Variants in FAM200A observed in about 807,000 individuals in gnomAD.
FAM200A encodes protein FAM200A.
In FAM200A, 26 loss-of-function variants were observed where a neutral mutation model predicts 44.2. The observed-to-expected ratio is 0.59, with a 90% CI of 0.43 to 0.82. The LOEUF (loss-of-function observed/expected upper bound fraction) is 0.82. Among genes scored for constraint, FAM200A ranks in the 40% least tolerant of loss-of-function variants. The pLI is 0.00. For synonymous variants in FAM200A, 206 were observed against 244.4 expected, an observed-to-expected ratio of 0.84 and a Z score of 1.47; for missense variants, 606 against 669.5, an observed-to-expected ratio of 0.91 and a Z score of 1.05.
chr7:99,547,448 A>T lies in FAM200A; in HGVS notation c.960T>A (p.Ile320=). The T allele has an allele frequency of 6.4e-7, 1 of 1,551,426 alleles. No individual in the cohort carries two copies. Among genetic ancestry groups the T allele is most frequent in the Non-Finnish European group, 8.7e-7 (1 of 1,146,918 alleles). ...ATTGCTTTTCAACGAGAAAAATGTA[A>T]ATCTCGTTCCTGAGTTCATATACTC... ...LSRVYELRNE[I]YIFLVEKQSH... is the part of the protein sequence containing the mutation. Residue 320 remains isoleucine (I), a synonymous_variant, in exon 2 of 2, where the codon ATT becomes ATA. Coordinates refer to ENST00000449309, the MANE Select transcript of FAM200A (RefSeq NM_145111.4).
chr7:99,547,322 C>G lies in FAM200A; in HGVS notation c.1086G>C (p.Gln362His), dbSNP rs183963526. 29 of 1,550,206 alleles carry G rather than the reference C, an allele frequency of 1.9e-5. No individual in the cohort carries two copies. In the African/African-American group the frequency reaches 3.1e-4, roughly 17 times the overall value. Residue 362 changes from glutamine to histidine, a missense_variant, in exon 2 of 2, where the codon CAG becomes CAC. Gln to His is a conservative substitution (Grantham distance 24). Coordinates refer to ENST00000449309, the MANE Select transcript of FAM200A (RefSeq NM_145111.4). ...ACTGAAATATATCATTGTTTTTCCC[C>G]TGCATTTTCAGGCTTAATTCATTAA... The part of the protein sequence containing the change: ...GILNELSLKM[Q>H]GKNNDIFQYL...
Position 99,548,396 on chromosome 7 carries a change from T to C in FAM200A, c.12A>G (p.Glu4=), listed in dbSNP as rs1465097958. The C allele has an allele frequency of 6.2e-7, 1 of 1,612,918 alleles. No individual in the cohort carries two copies. The highest frequency in any genetic ancestry group is 2.2e-5 in the East Asian group (1 of 44,872). MTP[E]SRDTTDLSPG... Reference sequence around the variant, plus strand: ...GAGACAAATCTGTAGTATCCCTTGATTCAGGAGTCATTATTCAGGTTCCAG... The same window carrying C: ...GAGACAAATCTGTAGTATCCCTTGACTCAGGAGTCATTATTCAGGTTCCAG... The change falls in exon 2 of 2, where the codon GAA becomes GAG. Residue 4 remains glutamate (E), a synonymous_variant. Transcript: ENST00000449309.
Position 99,551,852 on chromosome 7 carries a change from A to G in FAM200A, c.-100+2T>C. On this transcript the variant is annotated splice_donor_variant, in intron 1 of 1. Coordinates refer to ENST00000449309, the MANE Select transcript of FAM200A (RefSeq NM_145111.4). LOFTEE classifies it low-confidence loss of function (5UTR_SPLICE). ...GAAACCAAAACTTCGTTCCCTTCCC[A>G]CCTGTATCCAGGGACACCTCTGCTG... is the stretch of plus-strand genomic sequence containing the variant. The G allele has an allele frequency of 1.0e-6, 1 of 985,406 alleles. No homozygotes were observed. The highest frequency in any genetic ancestry group is 1.2e-6 in the Non-Finnish European group (1 of 829,980). The allele number at this position is 985,406 out of a possible 1,614,324, so 61.0% of individuals were successfully genotyped here.
chr7:99,553,087 ATATATATATATATTTTTT>A (rs1369277223), upstream of FAM200A, among the ~76,000 whole-genome samples: 1 of 100,460 alleles, frequency 1.0e-5, no homozygotes, highest in Non-Finnish European at 1.8e-5. Context: ...ATATATATAT[ATATATATATATATTTTTT>A]TTTTTTTTTT....
chr7:99,556,365 C>T (rs539569850), upstream of FAM200A, among the ~76,000 whole-genome samples: 4 of 152,186 alleles, frequency 2.6e-5, no homozygotes, highest in African/African-American at 9.6e-5. Flanking sequence ...GGGGACCTGC[C>T]GAGTCTGCAC....
At chr7:99,548,736 G>C (rs1413858028) in intron 1 of FAM200A, among the ~76,000 whole-genome samples, 3 of 151,846 alleles carry the variant, frequency 2.0e-5, no homozygotes, top group Non-Finnish European at 4.4e-5. Flanking sequence ...TTATATTACA[G>C]ATGAAAAATA....
At chr7:99,553,288 CTG>C (rs1802608390), upstream of FAM200A, among the ~76,000 whole-genome samples, 1 of 151,504 alleles carries the variant, frequency 6.6e-6, no homozygotes, top group Non-Finnish European at 1.5e-5. Flanking sequence ...TTGCTACACA[CTG>C]TATTTTTCTT....
upstream of FAM200A, among the ~76,000 whole-genome samples, chr7:99,553,100 T>TATATATATATATATA (rs1491325197): frequency 1.0e-4 from 6 of 57,190 alleles, no homozygotes; most frequent in South Asian, 6.4e-4. Context: ...TATATATATA[T>TATATATATATATATA]TTTTTTTTTT....
chr7:99,555,284 C>G (rs1232662259), upstream of FAM200A, among the ~76,000 whole-genome samples: 2 of 152,064 alleles, frequency 1.3e-5, no homozygotes, highest in Admixed American at 1.3e-4. Flanking sequence ...TCTTACGATG[C>G]CAAGGAATGC....
In FAM200A at chr7:99,548,090, T is replaced by C; in HGVS notation, c.318A>G (p.Arg106=). The C allele has an allele frequency of 6.4e-7, 1 of 1,551,680 alleles. No homozygotes were observed. Among genetic ancestry groups the C allele is most frequent in the Non-Finnish European group, 8.7e-7 (1 of 1,146,992 alleles). Residue 106 remains arginine (R), a synonymous_variant, in exon 2 of 2, where the codon AGA becomes AGG. Transcript: ENST00000449309. The part of the protein sequence containing the change: ...IFDDKSADKL[R]TIPLSDNTIS... ...TTGTATTATCACTAAGAGGTATAGT[T>C]CTTAGTTTATCAGCTGATTTGTCAT...
chr7:99,551,433 A>G (rs1802527294), intron 1 of FAM200A, among the ~76,000 whole-genome samples: 1 of 152,126 alleles, frequency 6.6e-6, no homozygotes, highest in African/African-American at 2.4e-5. Context: ...CCTGGCCTCA[A>G]ACGATTCGCC....
At position 99,552,086 on chromosome 7, in the gene FAM200A, T is replaced by C. The variant is rs575021186; in HGVS notation, c.-332A>G. ...GCACTAGACTCACATCCAAGCCCCC[T>C]GGCCTTCAGAGCCCAGGGAAAGCGT... On this transcript the variant is annotated 5_prime_UTR_variant, in exon 1 of 2. Coordinates refer to ENST00000449309, the MANE Select transcript of FAM200A (RefSeq NM_145111.4). The C allele has an allele frequency of 1.3e-4, 129 of 985,380 alleles. No homozygotes were observed. The highest frequency in any genetic ancestry group is 1.5e-4 in the Non-Finnish European group (122 of 829,964). 61.0% of individuals were successfully genotyped at this position (985,380 alleles called of 1,614,324 possible).
chr7:99,554,493 A>G (rs1163777456), upstream of FAM200A, among the ~76,000 whole-genome samples: 9 of 151,522 alleles, frequency 5.9e-5, no homozygotes, highest in African/African-American at 1.7e-4. Flanking sequence ...AAAAAAAAAA[A>G]AAAAAAAGAA....
intron 1 of FAM200A, among the ~76,000 whole-genome samples, chr7:99,551,223 ACTCT>A (rs1300039666): frequency 2.0e-5 from 3 of 150,470 alleles, no homozygotes; most frequent in Non-Finnish European, 3.0e-5. Flanking sequence ...ACAGAGTCTC[ACTCT>A]CTCTCTCTGT....
upstream of FAM200A, among the ~76,000 whole-genome samples, chr7:99,554,313 A>C (rs956462670): frequency 2.0e-5 from 3 of 151,796 alleles, no homozygotes; most frequent in African/African-American, 7.3e-5. Context: ...ACACCGTCTC[A>C]ACTAAAAATA....
At position 99,547,265 on chromosome 7, in the gene FAM200A, CGTCTTTT is replaced by C. The variant is rs560277797; in HGVS notation, c.1136_1142del (p.Gln379ArgfsTer36). The C allele has an allele frequency of 3.7e-5, 58 of 1,551,166 alleles. No homozygotes were observed. In the Middle Eastern group the frequency reaches 5.0e-4, roughly 13 times the overall value. On this transcript the variant is annotated frameshift_variant, in exon 2 of 2. Transcript: ENST00000449309. LOFTEE classifies it high-confidence loss of function. ...TAAGTCTTGCTTGCCACAATAATAA[CGTCTTTT>C]GGAATCCTAGAATATGTTCAAGATA...
At chr7:99,554,035 G>A (rs1173794910), upstream of FAM200A, among the ~76,000 whole-genome samples, 3 of 152,146 alleles carry the variant, frequency 2.0e-5, no homozygotes, top group Admixed American at 6.5e-5. Flanking sequence ...TATCAATTCT[G>A]GTAAGAACAA....
chr7:99,549,817 C>A (rs1044484734), intron 1 of FAM200A, among the ~76,000 whole-genome samples: 5 of 152,096 alleles, frequency 3.3e-5, no homozygotes, highest in African/African-American at 1.2e-4. Context: ...CCAAACACTG[C>A]ATGTTCTCAT....
At chr7:99,552,696 G>T (rs1802563656), upstream of FAM200A, among the ~76,000 whole-genome samples, 2 of 152,078 alleles carry the variant, frequency 1.3e-5, no homozygotes, top group African/African-American at 4.8e-5. Context: ...ATTAGATCAA[G>T]AATAACTTCA....
Sources: gnomAD v4.1 joint callset for allele counts (sites outside exome capture counted in the v4.1 genomes callset) on GRCh38, gnomAD v4.1.1 for gene constraint, MANE v1.5 for transcripts, NCBI Gene and HGNC (gene_info 2026-07-23, HGNC 2026-07-21) for gene names.